The following DLC1 variants were observed in gnomAD, a reference collection of about 807,000 sequenced individuals.
DLC1 encodes rho GTPase-activating protein 7.
DLC1 carries 54 observed loss-of-function variants against 140.3 expected under a neutral mutation model. The observed-to-expected ratio is 0.38, with a 90% CI of 0.31 to 0.48. DLC1 has a LOEUF of 0.48. Ranked by LOEUF, DLC1 falls within the 20% of genes least tolerant of loss-of-function variation. DLC1 has a pLI of 0.96. For missense variants in DLC1, 2,536 were observed against 1,907.0 expected (o/e 1.33, Z -6.14); for synonymous variants, 986 against 728.1 (o/e 1.35, Z -5.70).
At chr8:13,136,315 C>G (rs925875891) in intron 5 of DLC1, among the ~76,000 whole-genome samples, 1 of 152,112 alleles carries the variant, frequency 6.6e-6, no homozygotes, top group Non-Finnish European at 1.5e-5. Context: ...AGTTTTTCAA[C>G]TCCTTCTCCC....
At chr8:13,513,539 G>GTA (rs1387082160) in intron 1 of DLC1, among the ~76,000 whole-genome samples, 58 of 151,876 alleles carry the variant, frequency 3.8e-4, no homozygotes, top group Non-Finnish European at 3.2e-4. Context: ...CTTTCACTTA[G>GTA]TATATTTTGT....
chr8:13,370,004 T>C lies in DLC1; in HGVS notation c.1314+23549A>G, dbSNP rs114108938. On this transcript the variant is annotated intron_variant, in intron 4 of 17. Coordinates refer to ENST00000276297, the MANE Select transcript of DLC1 (RefSeq NM_182643.3). ...GGACTGGTCACTCCTCCTCGCTCAC[T>C]TGGCCCCAGAAGAATGACCTCCTGT... is the stretch of plus-strand genomic sequence containing the variant. Among the ~76,000 whole-genome samples, 1,453 of 151,100 alleles carry C rather than the reference T, an allele frequency of 9.6e-3. 18 individuals are homozygous for C. Among genetic ancestry groups the C allele is most frequent in the African/African-American group, 0.033 (1,372 of 41,102 alleles).
At chr8:13,090,529 C>G in intron 14 of DLC1, 59 bp from the exon 15 acceptor site, 2 of 1,582,376 alleles carry the variant, frequency 1.3e-6, no homozygotes, top group Non-Finnish European at 1.7e-6. Context: ...ATCTCAATGC[C>G]CATCAGTGGA....
intron 2 of DLC1, among the ~76,000 whole-genome samples, chr8:13,409,041 C>G (rs1302529288): frequency 6.6e-6 from 1 of 151,648 alleles, no homozygotes; most frequent in Non-Finnish European, 1.5e-5. Flanking sequence ...TTGTATTGAC[C>G]TGACTTCTGT....
At chr8:13,087,098 C>T (rs1817625265) in intron 16 of DLC1, among the ~76,000 whole-genome samples, 1 of 152,142 alleles carries the variant, frequency 6.6e-6, no homozygotes, top group African/African-American at 2.4e-5. Context: ...TATGGGATGA[C>T]ACAGCAAAAA....
In DLC1 at chr8:13,099,779, C is replaced by T. The variant is rs1818858110; in HGVS notation, c.2558G>A (p.Arg853Lys). 6.2e-7 allele frequency: 1 copy of T among 1,614,002 alleles called. No homozygotes were observed. The highest frequency in any genetic ancestry group is 8.5e-7 in the Non-Finnish European group (1 of 1,180,032). Residue 853 changes from arginine (R) to lysine (K), a missense_variant, in exon 9 of 18, where the codon AGG becomes AAG. By Grantham distance (26) the Arg-to-Lys change is conservative. Coordinates refer to ENST00000276297, the MANE Select transcript of DLC1 (RefSeq NM_182643.3). ...FHGPGHISLR[R>K]ENSSDSPKEL... ...CTTGGGGCTGTCGCTACTGTTTTCC[C>T]TCCTGAGGCTGATGTGGCCAGGGCC...
chr8:13,371,857 C>G (rs978320767), intron 4 of DLC1, among the ~76,000 whole-genome samples: 8 of 152,106 alleles, frequency 5.3e-5, no homozygotes, highest in African/African-American at 1.9e-4. Flanking sequence ...TAGGCACTCA[C>G]TCAATAATTA....
intron 5 of DLC1, among the ~76,000 whole-genome samples, chr8:13,173,213 A>G (rs1416180303): frequency 6.6e-6 from 1 of 152,186 alleles, no homozygotes; most frequent in East Asian, 1.9e-4. Context: ...CCAGTGAAGG[A>G]AAGTCTCCTC....
At chr8:13,197,417 C>T (rs1278151006) in intron 5 of DLC1, among the ~76,000 whole-genome samples, 3 of 151,738 alleles carry the variant, frequency 2.0e-5, no homozygotes, top group Non-Finnish European at 2.9e-5. Flanking sequence ...GGCGTGATCT[C>T]GGCTCACTGC....
At chr8:13,601,646 A>T (rs1203828351) in intron 1 of DLC1, among the ~76,000 whole-genome samples, 1 of 44,086 alleles carries the variant, frequency 2.3e-5, no homozygotes, top group African/African-American at 8.0e-5. Context: ...GATAATAGAC[A>T]AAAAAAAAAC....
At chr8:13,131,187 T>C (rs912576774) in intron 5 of DLC1, among the ~76,000 whole-genome samples, 1 of 152,160 alleles carries the variant, frequency 6.6e-6, no homozygotes, top group African/African-American at 2.4e-5. Flanking sequence ...AATTCCACAC[T>C]TACAGTCTGC....
At chr8:13,128,567 T>C (rs546316512) in intron 5 of DLC1, among the ~76,000 whole-genome samples, 2 of 152,196 alleles carry the variant, frequency 1.3e-5, no homozygotes, top group Non-Finnish European at 2.9e-5. Flanking sequence ...ACGCGGTGGC[T>C]CACGCCTGTA....
intron 2 of DLC1, among the ~76,000 whole-genome samples, chr8:13,424,907 C>A (rs1420194073): frequency 6.6e-6 from 1 of 152,140 alleles, no homozygotes; most frequent in Non-Finnish European, 1.5e-5. Context: ...TTATCGCAAT[C>A]TCTGTGCTTA....
At chr8:13,095,273 T>C in intron 10 of DLC1, 28 bp from the exon 11 acceptor site, 2 of 1,613,924 alleles carry the variant, frequency 1.2e-6, no homozygotes, top group Non-Finnish European at 1.7e-6. Context: ...GATGGTGGTG[T>C]TGGCGGAGAC....
intron 3 of DLC1, among the ~76,000 whole-genome samples, chr8:13,395,059 C>T (rs1836969963): frequency 8.7e-6 from 1 of 114,984 alleles, no homozygotes; most frequent in African/African-American, 2.8e-5. Context: ...CTATTAGGTA[C>T]CTATCTACCA....
rs1835762248 is a variant in DLC1, at chr8:13,372,200, G to T, written c.1314+21353C>A. Among the ~76,000 whole-genome samples the T allele has an allele frequency of 2.0e-5, 3 of 152,042 alleles. No individual in the cohort carries two copies. In the South Asian group the frequency reaches 6.2e-4, roughly 32 times the overall value. ...TGGGAAATAGAAAACTAAATGTCTG[G>T]AAAAAATGGGGCCAAATAGATATAA... On this transcript the variant is annotated intron_variant, in intron 4 of 17. Transcript: ENST00000276297.
intron 5 of DLC1, among the ~76,000 whole-genome samples, chr8:13,224,972 G>T (rs1457523233): frequency 1.3e-5 from 2 of 152,200 alleles, no homozygotes; most frequent in Non-Finnish European, 2.9e-5. Context: ...TAGGGGCTCA[G>T]TCATTTTTTT....
At chr8:13,541,315 C>T (rs906796544) in intron 1 of DLC1, among the ~76,000 whole-genome samples, 7 of 149,792 alleles carry the variant, frequency 4.7e-5, no homozygotes, top group Non-Finnish European at 1.5e-5. Flanking sequence ...AAGTAAATAC[C>T]TAGAAATGGA....
intron 1 of DLC1, among the ~76,000 whole-genome samples, chr8:13,573,557 T>C (rs1336576251): frequency 6.6e-6 from 1 of 152,194 alleles, no homozygotes; most frequent in Admixed American, 6.5e-5. Context: ...CTTGCAGTCT[T>C]TGACCACTGG....
Sources: allele counts gnomAD v4.1 joint callset (sites outside exome capture counted in the v4.1 genomes callset), GRCh38; gene constraint gnomAD v4.1.1; transcripts MANE v1.5; gene names NCBI Gene and HGNC (gene_info 2026-07-23, HGNC 2026-07-21).